ANO4: variants seen among roughly 807,000 people sequenced by gnomAD.
The protein encoded by ANO4 is anoctamin-4.
In ANO4, 69 loss-of-function variants were observed where a neutral mutation model predicts 141.9. The observed-to-expected ratio is 0.49, with a 90% CI of 0.40 to 0.59. The LOEUF is 0.59. ANO4 is among the 20% of genes least tolerant of loss of function. ANO4 has a pLI of 0.00. For missense variants in ANO4, 894 were observed against 1,162.2 expected, an observed-to-expected ratio of 0.77 and a Z score of 3.36; for synonymous variants, 350 against 394.3, an observed-to-expected ratio of 0.89 and a Z score of 1.33.
intron 8 of ANO4, among the ~76,000 whole-genome samples, chr12:101,018,948 G>T (rs1233903997): frequency 6.6e-6 from 1 of 150,952 alleles, no homozygotes. Context: ...AACATTTGAC[G>T]AACAAATGAA....
intron 26 of ANO4, among the ~76,000 whole-genome samples, chr12:101,123,683 G>A (rs1188358166): frequency 6.6e-6 from 1 of 152,126 alleles, no homozygotes; most frequent in Non-Finnish European, 1.5e-5. Flanking sequence ...GTATTTCATG[G>A]TGTATATGTA....
chr12:101,039,893 A>G (rs1158914353), intron 10 of ANO4, 62 bp from the exon 11 acceptor site: 11 of 1,545,430 alleles, frequency 7.1e-6, no homozygotes, highest in South Asian at 1.2e-5. Context: ...TTACATTACC[A>G]TCAGCATTTC....
At chr12:100,827,427 C>T (rs1253140404) in intron 1 of ANO4, among the ~76,000 whole-genome samples, 1 of 151,556 alleles carries the variant, frequency 6.6e-6, no homozygotes, top group Non-Finnish European at 1.5e-5. Flanking sequence ...AAAGAAATAC[C>T]CCCCCATAAC....
At position 100,828,237 on chromosome 12, in the gene ANO4, C is replaced by T. The variant is rs1437315248; in HGVS notation, c.-141+33210C>T. 4.6e-5 allele frequency among the ~76,000 whole-genome samples: 7 copies of T among 151,926 alleles called. No individual in the cohort carries two copies. The South Asian group carries it at 1.2e-3, about 27-fold the overall frequency. On this transcript the variant is annotated intron_variant, in intron 1 of 27. Coordinates refer to ENST00000392977, the MANE Select transcript of ANO4 (RefSeq NM_001286615.2). ...ACATTTATTTAATATTTCCTCCATTCCTCCTTTTTTCAGCACATTCCCCAA... is the reference window on the plus strand; with the variant it reads ...ACATTTATTTAATATTTCCTCCATTTCTCCTTTTTTCAGCACATTCCCCAA...
At position 100,942,441 on chromosome 12, in the gene ANO4, A is replaced by G. The variant is rs762671352; in HGVS notation, c.362A>G (p.Tyr121Cys). 1.1e-5 allele frequency: 17 copies of G among 1,614,048 alleles called. No individual in the cohort carries two copies. The highest frequency in any genetic ancestry group is 2.5e-6 in the Non-Finnish European group (3 of 1,180,012). ...CGAGATGGAAAGTGTCGAATTGACT[A>G]CATCCTTGTGTACAGAAAATCCAAC... ...YFRDGKCRID[Y>C]ILVYRKSNPQ... is the part of the protein sequence containing the mutation. The change falls in exon 5 of 28, where the codon TAC becomes TGC. Residue 121 changes from tyrosine (Y) to cysteine (C), a missense_variant. By Grantham distance (194) the Tyr-to-Cys change is radical (BLOSUM62 -2). Coordinates refer to ENST00000392977, the MANE Select transcript of ANO4 (RefSeq NM_001286615.2).
chr12:100,768,828 G>A (rs570736265), intron 3 of ANO4, among the ~76,000 whole-genome samples: 1 of 152,202 alleles, frequency 6.6e-6, no homozygotes, highest in African/African-American at 2.4e-5. Flanking sequence ...TGATATCACA[G>A]TTAGACCTTT....
At position 100,810,418 on chromosome 12, in the gene ANO4, C is replaced by T. The variant is rs569432069; in HGVS notation, c.-141+15391C>T. Among the ~76,000 whole-genome samples the T allele has an allele frequency of 5.3e-5, 8 of 152,152 alleles. No homozygotes were observed. The South Asian group carries it at 1.7e-3, about 32-fold the overall frequency. On this transcript the variant is annotated intron_variant, in intron 1 of 27. Transcript: ENST00000392977. Reference sequence around the variant, plus strand: ...GTGGCTTAAGTATTTAGATTTTATCCAGAATGAGATGGGGAGCCAGGGCAT... The same window carrying T: ...GTGGCTTAAGTATTTAGATTTTATCTAGAATGAGATGGGGAGCCAGGGCAT...
At chr12:100,848,758 A>G (rs181094113) in intron 1 of ANO4, among the ~76,000 whole-genome samples, 13 of 152,256 alleles carry the variant, frequency 8.5e-5, no homozygotes, top group African/African-American at 2.9e-4. Context: ...ACTTTTGGAC[A>G]TGGTGGAACA....
chr12:100,866,864 G>A (rs1464500534), intron 1 of ANO4, among the ~76,000 whole-genome samples: 1 of 152,170 alleles, frequency 6.6e-6, no homozygotes. Context: ...ACAAAATACT[G>A]TTTATGTAAA....
intron 3 of ANO4, among the ~76,000 whole-genome samples, chr12:100,757,444 T>C (rs1310351001): frequency 6.6e-6 from 1 of 152,200 alleles, no homozygotes; most frequent in Non-Finnish European, 1.5e-5. Context: ...GCTTCATGAT[T>C]GGGCCTCTGC....
intron 14 of ANO4, among the ~76,000 whole-genome samples, chr12:101,048,624 C>CATTG (rs2047734389): frequency 6.6e-6 from 1 of 152,162 alleles, no homozygotes; most frequent in Non-Finnish European, 1.5e-5. Flanking sequence ...GTCATTAGCA[C>CATTG]TCTGTTATTA....
Position 101,042,389 on chromosome 12 carries a change from G to A in ANO4, c.1075G>A (p.Gly359Ser), listed in dbSNP as rs755674505. ...TTTTGCCTGGTTGGGCTGGTACACC[G>A]GCATGCTCTTCCCAGCTGCCTTCAT... ...LYFAWLGWYT[G>S]MLFPAAFIGL... Residue 359 changes from glycine (G) to serine (S), a missense_variant, in exon 12 of 28, where the codon GGC becomes AGC. Gly to Ser is a moderately conservative substitution (Grantham distance 56). Around this residue, in one of 2 missense-constraint regions of ANO4, gnomAD observed 637 missense variants for 909.2 expected, o/e 0.70. Transcript: ENST00000392977. The A allele has an allele frequency of 6.8e-6, 11 of 1,614,142 alleles. No homozygotes were observed. The highest frequency in any genetic ancestry group is 3.3e-5 in the Admixed American group (2 of 60,020).
intron 2 of ANO4, among the ~76,000 whole-genome samples, chr12:100,917,149 A>G (rs1396568827): frequency 6.6e-6 from 1 of 152,202 alleles, no homozygotes; most frequent in African/African-American, 2.4e-5. Context: ...AAACTTAAAG[A>G]CAAAATGGAG....
At chr12:101,046,094 C>T (rs1222912449) in intron 13 of ANO4, among the ~76,000 whole-genome samples, 1 of 152,242 alleles carries the variant, frequency 6.6e-6, no homozygotes, top group Non-Finnish European at 1.5e-5. Context: ...GGACAGCGTG[C>T]CCCAGGCACG....
intron 1 of ANO4, among the ~76,000 whole-genome samples, chr12:100,723,335 T>TCC (rs2030952820): frequency 6.6e-6 from 1 of 152,160 alleles, no homozygotes; most frequent in African/African-American, 2.4e-5. Flanking sequence ...AAGTCCCTGT[T>TCC]GGAGGTGGTG....
intron 5 of ANO4, among the ~76,000 whole-genome samples, chr12:100,951,324 C>T (rs964756174): frequency 2.0e-5 from 3 of 152,148 alleles, no homozygotes; most frequent in African/African-American, 4.8e-5. Context: ...CCAGCAATCC[C>T]ATTACTGTGT....
chr12:100,778,696 G>A (rs2373383), intron 3 of ANO4, among the ~76,000 whole-genome samples: 101,847 of 152,004 alleles, frequency 0.67, 34,296 homozygotes, highest in East Asian at 0.79. Context: ...TTGTAAATTC[G>A]GGTTACGGCT....
chr12:100,785,524 A>G (rs1384206079), intron 3 of ANO4, among the ~76,000 whole-genome samples: 2 of 152,182 alleles, frequency 1.3e-5, no homozygotes, highest in East Asian at 3.8e-4. Context: ...TTGGCTTCTT[A>G]CACTTAGTAA....
chr12:101,113,105 G>T (rs1321229955), intron 24 of ANO4, among the ~76,000 whole-genome samples: 1 of 152,122 alleles, frequency 6.6e-6, no homozygotes, highest in Non-Finnish European at 1.5e-5. Context: ...ATTAAAAGAG[G>T]TTAAGTCCAG....
Sources: allele counts gnomAD v4.1 joint callset (sites outside exome capture counted in the v4.1 genomes callset), GRCh38; gene constraint gnomAD v4.1.1; regional missense constraint gnomAD v4.1.1; transcripts MANE v1.5; gene names NCBI Gene and HGNC (gene_info 2026-07-23, HGNC 2026-07-21).